HIBADH: variants seen among roughly 807,000 people sequenced by gnomAD.
The protein encoded by HIBADH is 3-hydroxyisobutyrate dehydrogenase, mitochondrial.
HIBADH carries 25 observed loss-of-function variants against 36.1 expected under a neutral mutation model. That is an observed-to-expected ratio of 0.69 (90% CI 0.50 to 0.97). The LOEUF (loss-of-function observed/expected upper bound fraction) is 0.97. HIBADH is among the 50% of genes least tolerant of loss of function. The pLI is 0.00. For missense variants in HIBADH, 421 were observed against 418.0 expected (o/e 1.01, Z -0.06); for synonymous variants, 160 against 149.5 (o/e 1.07, Z -0.51).
intron 4 of HIBADH, among the ~76,000 whole-genome samples, chr7:27,622,196 G>A (rs578148917): frequency 6.6e-6 from 1 of 152,274 alleles, no homozygotes; most frequent in East Asian, 1.9e-4. Context: ...AGTGAGCTGT[G>A]ATTGCACCAC....
intron 5 of HIBADH, among the ~76,000 whole-genome samples, chr7:27,542,085 T>C (rs1161356279): frequency 2.6e-5 from 4 of 152,238 alleles, no homozygotes; most frequent in Non-Finnish European, 4.4e-5. Context: ...ATAACAGATT[T>C]GTGCATATTT....
chr7:27,630,091 C>T (rs530731328), intron 3 of HIBADH, among the ~76,000 whole-genome samples: 1 of 152,094 alleles, frequency 6.6e-6, no homozygotes, highest in South Asian at 2.1e-4. Context: ...GGAAATCTCA[C>T]AGTCTTTTTG....
intron 7 of HIBADH, among the ~76,000 whole-genome samples, chr7:27,527,672 G>A (rs534801822): frequency 2.0e-5 from 3 of 151,896 alleles, no homozygotes; most frequent in East Asian, 3.9e-4. Flanking sequence ...TCATGCAGCT[G>A]TCACATTTTG....
intron 4 of HIBADH, among the ~76,000 whole-genome samples, chr7:27,595,254 C>A (rs1038416662): frequency 1.3e-5 from 2 of 152,240 alleles, no homozygotes; most frequent in African/African-American, 4.8e-5. Context: ...CAGTGGCTCA[C>A]ACCTATAATC....
At chr7:27,616,381 C>G (rs1483963564) in intron 4 of HIBADH, among the ~76,000 whole-genome samples, 1 of 152,188 alleles carries the variant, frequency 6.6e-6, no homozygotes, top group African/African-American at 2.4e-5. Context: ...CCAAACCACA[C>G]AGCACAGTAA....
chr7:27,603,618 T>C (rs1235232736), intron 4 of HIBADH, among the ~76,000 whole-genome samples: 1 of 152,150 alleles, frequency 6.6e-6, no homozygotes, highest in African/African-American at 2.4e-5. Flanking sequence ...AACTGTGTCC[T>C]AATCAGTTTT....
chr7:27,650,609 T>A (rs532909693), intron 1 of HIBADH, among the ~76,000 whole-genome samples: 13 of 151,154 alleles, frequency 8.6e-5, no homozygotes, highest in Admixed American at 2.0e-4. Flanking sequence ...TCTCATGCCT[T>A]AGCCTCCGGT....
chr7:27,622,022 A>G (rs2128293358), intron 4 of HIBADH, among the ~76,000 whole-genome samples: 1 of 151,856 alleles, frequency 6.6e-6, no homozygotes, highest in East Asian at 1.9e-4. Context: ...TGGGAGGCCA[A>G]GGTAGGAGGA....
chr7:27,588,318 GTTTTTAT>G (rs545750132), intron 4 of HIBADH, among the ~76,000 whole-genome samples: 3 of 152,066 alleles, frequency 2.0e-5, no homozygotes, highest in Non-Finnish European at 4.4e-5. Context: ...TTGGTAAACA[GTTTTTAT>G]TTTTTATTTT....
At chr7:27,537,140 G>C (rs373464279) in intron 6 of HIBADH, among the ~76,000 whole-genome samples, 2 of 151,090 alleles carry the variant, frequency 1.3e-5, no homozygotes, top group Middle Eastern at 3.4e-3. Flanking sequence ...CACTGAAAAG[G>C]TCCCTATATA....
intron 4 of HIBADH, among the ~76,000 whole-genome samples, chr7:27,615,480 C>T (rs772488290): frequency 3.3e-5 from 5 of 152,180 alleles, no homozygotes; most frequent in African/African-American, 7.2e-5. Context: ...AACAGCTAGA[C>T]ATACTACCGC....
At chr7:27,595,623 TGA>T (rs1186067222) in intron 4 of HIBADH, among the ~76,000 whole-genome samples, 4 of 140,650 alleles carry the variant, frequency 2.8e-5, no homozygotes, top group South Asian at 4.5e-4. Flanking sequence ...TGTGTGTGTG[TGA>T]ACCGCTATAT....
chr7:27,633,454 T>G lies in HIBADH; in HGVS notation c.253-1009A>C, dbSNP rs767734480. On this transcript the variant is annotated intron_variant, in intron 2 of 7. Coordinates refer to ENST00000265395, the MANE Select transcript of HIBADH (RefSeq NM_152740.4). ...AGAAGGATTGCCTGAACCCAGGAGG[T>G]GGAGACCAGTCTGGGTAACACGGTG... 7.6e-4 allele frequency among the ~76,000 whole-genome samples: 116 copies of G among 151,906 alleles called. 1 individual carries two copies. The highest frequency in any genetic ancestry group is 6.9e-4 in the Non-Finnish European group (47 of 67,972).
rs996115038 is a variant in HIBADH at position 27,657,087 on chromosome 7, C to T, written c.91+5611G>A. On this transcript the variant is annotated intron_variant, in intron 1 of 7. Coordinates refer to ENST00000265395, the MANE Select transcript of HIBADH (RefSeq NM_152740.4). ...AAGTTCTGGAAATGCTGTGGAAAATCTGAAAATGTAATGGGGAATAAACAA... is the reference window on the plus strand; with the variant it reads ...AAGTTCTGGAAATGCTGTGGAAAATTTGAAAATGTAATGGGGAATAAACAA... Among the ~76,000 whole-genome samples, 5 of 151,956 alleles carry T rather than the reference C, an allele frequency of 3.3e-5. No individual in the cohort carries two copies. The East Asian group carries it at 9.7e-4, about 29-fold the overall frequency.
intron 1 of HIBADH, among the ~76,000 whole-genome samples, chr7:27,660,425 A>G (rs1786391480): frequency 6.6e-6 from 1 of 152,386 alleles, no homozygotes; most frequent in African/African-American, 2.4e-5. Context: ...GCACTCTGGG[A>G]GGCCAAGGCG....
Position 27,632,371 on chromosome 7 carries a change from T to C in HIBADH, c.327A>G (p.Ala109=), listed in dbSNP as rs201608534. The C allele has an allele frequency of 6.2e-7, 1 of 1,613,136 alleles. No individual in the cohort carries two copies. Among genetic ancestry groups the C allele is most frequent in the South Asian group, 1.1e-5 (1 of 91,062 alleles). Reference sequence around the variant, plus strand: ...CATTTGCTCCGGAATAAGCTTCTATTGCATTGATACTGGTGGGCAGCATTG... The same window carrying C: ...CATTTGCTCCGGAATAAGCTTCTATCGCATTGATACTGGTGGGCAGCATTG... ...IITMLPTSIN[A]IEAYSGANGI... The change falls in exon 3 of 8, where the codon GCA becomes GCG. Residue 109 remains alanine, a synonymous_variant. Coordinates refer to ENST00000265395, the MANE Select transcript of HIBADH (RefSeq NM_152740.4).
At chr7:27,653,598 G>A (rs1429893106) in intron 1 of HIBADH, among the ~76,000 whole-genome samples, 1 of 152,088 alleles carries the variant, frequency 6.6e-6, no homozygotes, top group East Asian at 1.9e-4. Context: ...TTAGCCGGGT[G>A]TAGTGGCAGG....
intron 2 of HIBADH, among the ~76,000 whole-genome samples, chr7:27,647,212 T>C (rs1195023310): frequency 1.3e-5 from 2 of 152,162 alleles, no homozygotes; most frequent in Admixed American, 6.5e-5. Flanking sequence ...AAGTGACTAA[T>C]GGGCCAGGGA....
chr7:27,661,391 C>T (rs1786414635), intron 1 of HIBADH, among the ~76,000 whole-genome samples: 1 of 152,062 alleles, frequency 6.6e-6, no homozygotes, highest in Non-Finnish European at 1.5e-5. Context: ...AGTTCAAGAC[C>T]AGCCTGGGCA....
Sources: allele counts gnomAD v4.1 joint callset (sites outside exome capture counted in the v4.1 genomes callset), GRCh38; gene constraint gnomAD v4.1.1; transcripts MANE v1.5; gene names NCBI Gene and HGNC (gene_info 2026-07-23, HGNC 2026-07-21).